The following GNAQ variants were observed in gnomAD, a reference collection of about 807,000 sequenced individuals.
GNAQ encodes guanine nucleotide-binding protein G(q) subunit alpha.
GNAQ carries 8 observed loss-of-function variants against 43.9 expected under a neutral mutation model. The ratio of observed to expected loss-of-function variants is 0.18; its 90% CI spans 0.11 to 0.33. The LOEUF (loss-of-function observed/expected upper bound fraction) is 0.33, where lower values mean the gene tolerates loss of function less well. GNAQ is among the 10% of genes least tolerant of loss of function. The pLI is 1.00. For missense variants in GNAQ, 158 were observed against 450.8 expected (o/e 0.35, Z 5.88); for synonymous variants, 155 against 170.7 (o/e 0.91, Z 0.71).
At chr9:77,745,544 G>A (rs528778623) in intron 5 of GNAQ, among the ~76,000 whole-genome samples, 33 of 151,446 alleles carry the variant, frequency 2.2e-4, no homozygotes, top group African/African-American at 7.5e-4. Flanking sequence ...AAAATGTTTG[G>A]AGAATAAAAA....
At chr9:77,987,516 C>T (rs1823455883) in intron 1 of GNAQ, among the ~76,000 whole-genome samples, 1 of 152,202 alleles carries the variant, frequency 6.6e-6, no homozygotes, top group African/African-American at 2.4e-5. Flanking sequence ...AATTAAGTAA[C>T]ACTATGTCCT....
intron 2 of GNAQ, among the ~76,000 whole-genome samples, chr9:77,885,651 T>TA (rs1828289958): frequency 6.6e-6 from 1 of 152,170 alleles, no homozygotes; most frequent in Admixed American, 6.5e-5. Context: ...AATCTGAGGT[T>TA]ACTGTCTCAG....
chr9:77,741,426 A>G (rs1381904678), intron 5 of GNAQ, among the ~76,000 whole-genome samples: 1 of 152,214 alleles, frequency 6.6e-6, no homozygotes, highest in Non-Finnish European at 1.5e-5. Context: ...ATCTGTCATT[A>G]TATCTTTGAG....
chr9:77,829,111 A>G (rs574159875), intron 2 of GNAQ, among the ~76,000 whole-genome samples: 2 of 152,294 alleles, frequency 1.3e-5, no homozygotes, highest in East Asian at 3.9e-4. Context: ...AGCAGCTATA[A>G]TATTATACTT....
intron 2 of GNAQ, among the ~76,000 whole-genome samples, chr9:77,915,252 C>T (rs936577172): frequency 6.6e-6 from 1 of 152,198 alleles, no homozygotes; most frequent in Non-Finnish European, 1.5e-5. Flanking sequence ...ATTTCAATGA[C>T]TGTCACTCTG....
At chr9:78,026,282 C>T (rs947917875) in intron 1 of GNAQ, among the ~76,000 whole-genome samples, 3 of 152,076 alleles carry the variant, frequency 2.0e-5, no homozygotes, top group East Asian at 3.9e-4. Flanking sequence ...GAGATCCAGA[C>T]GATGAATCTA....
At chr9:77,851,391 G>A (rs559228051) in intron 2 of GNAQ, among the ~76,000 whole-genome samples, 2 of 152,220 alleles carry the variant, frequency 1.3e-5, no homozygotes, top group African/African-American at 2.4e-5. Flanking sequence ...TTTCTGATAT[G>A]TGTCATTATC....
chr9:77,761,110 G>T (rs1463415840), intron 5 of GNAQ, among the ~76,000 whole-genome samples: 6 of 151,962 alleles, frequency 3.9e-5, no homozygotes, highest in African/African-American at 1.4e-4. Flanking sequence ...TGTCCAGGAG[G>T]GAGGTGGGGG....
intron 2 of GNAQ, among the ~76,000 whole-genome samples, chr9:77,865,739 A>C (rs946024966): frequency 3.9e-5 from 6 of 152,170 alleles, no homozygotes; most frequent in Admixed American, 3.3e-4. Flanking sequence ...CACCCGTAAA[A>C]AAGGAAATTA....
Position 78,031,791 on chromosome 9 carries a change from G to C in GNAQ, c.-556C>G, listed in dbSNP as rs1453030283. ...ACCGCCCGGCTCGCGCGCAGACCCG[G>C]TTCCCGTCCCGCCCGGCAACCGCGC... On this transcript the variant is annotated 5_prime_UTR_variant, in exon 1 of 7. Coordinates refer to ENST00000286548, the MANE Select transcript of GNAQ (RefSeq NM_002072.5). 6.8e-6 allele frequency among the ~76,000 whole-genome samples: 1 copy of C among 147,860 alleles called. No homozygotes were observed. The highest frequency in any genetic ancestry group is 2.5e-5 in the African/African-American group (1 of 40,684).
chr9:77,824,909 G>A (rs533128196), intron 2 of GNAQ, among the ~76,000 whole-genome samples: 2 of 152,188 alleles, frequency 1.3e-5, no homozygotes, highest in South Asian at 2.1e-4. Context: ...AAATTAACTC[G>A]GAAAGAAAGT....
chr9:77,717,650 T>C lies in GNAQ; in HGVS notation c.*3673A>G. ...AATTACAGTTCGTACACTTTGACAA[T>C]CAAGATAGTCTGAAGTACAAAAAAG... On this transcript the variant is annotated 3_prime_UTR_variant, in exon 7 of 7. Coordinates refer to ENST00000286548, the MANE Select transcript of GNAQ (RefSeq NM_002072.5). 4.3e-6 allele frequency: 1 copy of C among 232,018 alleles called. No homozygotes were observed. The highest frequency in any genetic ancestry group is 1.8e-4 in the South Asian group (1 of 5,514). The allele number at this position is 232,018 out of a possible 1,614,324, so 14.4% of individuals were successfully genotyped here.
intron 1 of GNAQ, among the ~76,000 whole-genome samples, chr9:78,013,034 T>A (rs1286258898): frequency 6.6e-6 from 1 of 151,842 alleles, no homozygotes; most frequent in Non-Finnish European, 1.5e-5. Context: ...GAAAGAAGAG[T>A]AAACTACTTC....
chr9:77,883,681 T>G (rs1252988803), intron 2 of GNAQ, among the ~76,000 whole-genome samples: 2 of 151,204 alleles, frequency 1.3e-5, no homozygotes. Flanking sequence ...CCAGTATCTA[T>G]TATAAGGCTT....
At chr9:77,992,797 T>C (rs1044278950) in intron 1 of GNAQ, among the ~76,000 whole-genome samples, 16 of 151,790 alleles carry the variant, frequency 1.1e-4, no homozygotes, top group African/African-American at 3.6e-4. Flanking sequence ...ATACAAAAAT[T>C]AGCCAAGTGT....
rs1249747064 is a variant in GNAQ, at chr9:77,716,374, T to TA, written c.*4948dup. Reference sequence around the variant, plus strand: ...AAAACTAGTTCCCATCCCCAAACAATAGACAGTACATGCATTTGAATGACA... The same window carrying TA: ...AAAACTAGTTCCCATCCCCAAACAATAAGACAGTACATGCATTTGAATGACA... On this transcript the variant is annotated 3_prime_UTR_variant, in exon 7 of 7. Transcript: ENST00000286548. 4.3e-5 allele frequency: 10 copies of TA among 232,512 alleles called. No individual in the cohort carries two copies. Among genetic ancestry groups the TA allele is most frequent in the African/African-American group, 2.0e-4 (9 of 45,316 alleles). 14.4% of individuals were successfully genotyped at this position (232,512 alleles called of 1,614,324 possible).
intron 2 of GNAQ, among the ~76,000 whole-genome samples, chr9:77,913,829 A>T (rs1828849188): frequency 6.6e-6 from 1 of 152,158 alleles, no homozygotes. Flanking sequence ...CCAGATATAC[A>T]TGTATTGACA....
At chr9:78,029,939 G>A (rs1824028969) in intron 1 of GNAQ, among the ~76,000 whole-genome samples, 1 of 152,138 alleles carries the variant, frequency 6.6e-6, no homozygotes, top group African/African-American at 2.4e-5. Context: ...GTAGCTCAGG[G>A]TTCTGTCACT....
chr9:77,914,199 G>T (rs760036046), intron 2 of GNAQ, among the ~76,000 whole-genome samples: 5 of 152,162 alleles, frequency 3.3e-5, no homozygotes, highest in Non-Finnish European at 7.3e-5. Context: ...AAAGAGAAAA[G>T]AAATTATAGA....
Sources: allele counts gnomAD v4.1 joint callset (sites outside exome capture counted in the v4.1 genomes callset), GRCh38; gene constraint gnomAD v4.1.1; transcripts MANE v1.5; gene names NCBI Gene and HGNC (gene_info 2026-07-23, HGNC 2026-07-21).